The following PRPSAP1 variants were observed in gnomAD, a reference collection of about 807,000 sequenced individuals.
PRPSAP1 encodes phosphoribosyl pyrophosphate synthase-associated protein 1.
PRPSAP1 carries 31 observed loss-of-function variants against 39.4 expected under a neutral mutation model. The ratio of observed to expected loss-of-function variants is 0.79; its 90% CI spans 0.59 to 1.06. PRPSAP1 has a LOEUF of 1.06. Ranked by LOEUF, PRPSAP1 falls within the 50% of genes least tolerant of loss-of-function variation. PRPSAP1 has a pLI of 0.00. For synonymous variants in PRPSAP1, 212 were observed against 192.6 expected (o/e 1.10, Z -0.83); for missense variants, 430 against 511.6 (o/e 0.84, Z 1.54).
Position 76,319,779 on chromosome 17 carries a change from A to G in PRPSAP1, c.782-5888T>C, listed in dbSNP as rs572578211. On this transcript the variant is annotated intron_variant, in intron 7 of 9. Transcript: ENST00000446526. ...GACTGATTTTTAAAAATAAATAAAT[A>G]CCATTCTCCACTAAAGGTATAAGGG... Among the ~76,000 whole-genome samples the G allele has an allele frequency of 3.3e-5, 5 of 152,190 alleles. No homozygotes were observed. The South Asian group carries it at 1.0e-3, about 32-fold the overall frequency.
intron 3 of PRPSAP1, among the ~76,000 whole-genome samples, chr17:76,338,227 C>CA (rs2071399203): frequency 6.6e-6 from 1 of 151,798 alleles, no homozygotes; most frequent in Non-Finnish European, 1.5e-5. Context: ...AAAACAGCAC[C>CA]AAAAAAAGGT....
At chr17:76,313,204 G>C in intron 8 of PRPSAP1, 188 bp from the exon 9 acceptor site, 1 of 616,912 alleles carries the variant, frequency 1.6e-6, no homozygotes, top group Middle Eastern at 4.7e-4. Context: ...AGTACCTTGT[G>C]TGTCTGTCAG....
intron 6 of PRPSAP1, 35 bp from the exon 7 acceptor site, chr17:76,328,897 G>A: frequency 6.3e-7 from 1 of 1,579,632 alleles, no homozygotes; most frequent in East Asian, 2.3e-5. Context: ...AAACTGACAG[G>A]AAGAAATCCC....
intron 7 of PRPSAP1, among the ~76,000 whole-genome samples, chr17:76,323,854 T>C (rs557295658): frequency 5.9e-5 from 9 of 152,196 alleles, no homozygotes; most frequent in Middle Eastern, 3.4e-3. Flanking sequence ...ATTTTGAAAG[T>C]AGTTCTTTCG....
chr17:76,328,998 T>A (rs761377894), intron 6 of PRPSAP1, 136 bp from the exon 7 acceptor site: 146 of 1,054,896 alleles, frequency 1.4e-4, no homozygotes, highest in Non-Finnish European at 1.8e-4. Context: ...TAAATGAGAA[T>A]GTGAGGCCCA....
At chr17:76,321,186 C>T (rs2071194064) in intron 7 of PRPSAP1, among the ~76,000 whole-genome samples, 1 of 152,054 alleles carries the variant, frequency 6.6e-6, no homozygotes, top group African/African-American at 2.4e-5. Context: ...TACGTCTTTT[C>T]TGGTATCTGT....
At chr17:76,352,849 G>A (rs920072174) in intron 1 of PRPSAP1, among the ~76,000 whole-genome samples, 2 of 152,090 alleles carry the variant, frequency 1.3e-5, no homozygotes, top group Non-Finnish European at 2.9e-5. Flanking sequence ...CACTGACACA[G>A]AGCTAGTAAG....
intron 7 of PRPSAP1, among the ~76,000 whole-genome samples, chr17:76,318,598 T>C (rs2143461190): frequency 6.6e-6 from 1 of 152,354 alleles, no homozygotes; most frequent in Non-Finnish European, 1.5e-5. Context: ...ATTGGATAAC[T>C]GACACACAGA....
chr17:76,336,681 G>A (rs570041871), intron 3 of PRPSAP1, among the ~76,000 whole-genome samples: 7 of 132,184 alleles, frequency 5.3e-5, no homozygotes, highest in African/African-American at 2.0e-4. Context: ...GTGGTGAGCC[G>A]AGATCATGCC....
intron 7 of PRPSAP1, among the ~76,000 whole-genome samples, chr17:76,327,429 C>T (rs1049122838): frequency 1.3e-5 from 2 of 151,878 alleles, no homozygotes; most frequent in African/African-American, 2.4e-5. Flanking sequence ...CTGAGGCAGG[C>T]GGATCACAAT....
At chr17:76,321,252 C>T (rs2071194994) in intron 7 of PRPSAP1, among the ~76,000 whole-genome samples, 1 of 151,962 alleles carries the variant, frequency 6.6e-6, no homozygotes, top group South Asian at 2.1e-4. Context: ...ATGAACCATG[C>T]TCATATAAGA....
chr17:76,314,577 T>C (rs78642469), intron 7 of PRPSAP1: 13,653 of 152,300 alleles, frequency 0.09, 1,266 homozygotes, highest in African/African-American at 0.24. Context: ...CTTGCTATGT[T>C]GCCCCGGCTC....
chr17:76,330,607 A>G lies in PRPSAP1; in HGVS notation c.523T>C (p.Phe175Leu), dbSNP rs370484277. The change falls in exon 5 of 10, where the codon TTT becomes CTT. Residue 175 changes from phenylalanine (F) to leucine (L), a missense_variant. Phe to Leu is a conservative substitution (Grantham distance 22). Coordinates refer to ENST00000446526, the MANE Select transcript of PRPSAP1 (RefSeq NM_002766.3). ...HQKEIQGFFS[F>L]PVDNLRASPF... is the part of the protein sequence containing the mutation. The stretch of plus-strand genomic sequence containing the variant: ...GAGGCTCTAAGGTTGTCCACAGGAA[A>G]GCTGAAAAAGCCTTGTATTTCCTTT... The G allele has an allele frequency of 8.7e-6, 14 of 1,613,392 alleles. No individual in the cohort carries two copies. In the African/African-American group the frequency reaches 1.6e-4, roughly 18 times the overall value.
intron 7 of PRPSAP1, among the ~76,000 whole-genome samples, chr17:76,324,105 T>C (rs1444844580): frequency 6.7e-6 from 1 of 148,680 alleles, no homozygotes; most frequent in East Asian, 2.0e-4. Context: ...ATGGTGCCAC[T>C]GCACTCCAGC....
intron 6 of PRPSAP1, among the ~76,000 whole-genome samples, chr17:76,329,507 G>T (rs1242999755): frequency 6.6e-6 from 1 of 152,134 alleles, no homozygotes; most frequent in East Asian, 1.9e-4. Flanking sequence ...GACCAAGGCA[G>T]ACAGATCACT....
chr17:76,341,246 T>G (rs369570148), intron 3 of PRPSAP1, among the ~76,000 whole-genome samples: 3,681 of 149,598 alleles, frequency 0.025, 66 homozygotes, highest in Non-Finnish European at 0.035. Flanking sequence ...TTTTTTTTTT[T>G]TTTTTTTTTG....
Position 76,353,764 on chromosome 17 carries a change from G to T in PRPSAP1, c.-61C>A. The T allele has an allele frequency of 7.2e-7, 1 of 1,396,898 alleles. No individual in the cohort carries two copies. The highest frequency in any genetic ancestry group is 1.6e-5 in the South Asian group (1 of 63,146). 86.5% of individuals were successfully genotyped at this position (1,396,898 alleles called of 1,614,324 possible). ...GCGGGGCTGCACTCTGAGTGCTTCC[G>T]ACTGCGAGACCCCGGTTTGGGTGGG... On this transcript the variant is annotated 5_prime_UTR_variant, in exon 1 of 10. Transcript: ENST00000446526.
intron 3 of PRPSAP1, among the ~76,000 whole-genome samples, chr17:76,333,283 T>C (rs2071344784): frequency 1.3e-5 from 2 of 152,150 alleles, no homozygotes; most frequent in Non-Finnish European, 1.5e-5. Flanking sequence ...GCTAATTTTG[T>C]ATTTTTAGTA....
intron 7 of PRPSAP1, among the ~76,000 whole-genome samples, chr17:76,326,460 C>G (rs979854678): frequency 6.6e-6 from 1 of 152,046 alleles, no homozygotes; most frequent in Non-Finnish European, 1.5e-5. Flanking sequence ...ACCAACTTAT[C>G]AGAATGCACA....
Sources: gnomAD v4.1 joint callset for allele counts (sites outside exome capture counted in the v4.1 genomes callset) on GRCh38, gnomAD v4.1.1 for gene constraint, MANE v1.5 for transcripts, NCBI Gene and HGNC (gene_info 2026-07-23, HGNC 2026-07-21) for gene names.